Variants in LPP observed in about 807,000 individuals in gnomAD.
The protein encoded by LPP is lipoma-preferred partner.
A neutral mutation model predicts 60.4 loss-of-function variants in LPP; 38 were observed. The observed-to-expected ratio is 0.63, with a 90% CI of 0.49 to 0.83. The LOEUF is 0.83. Ranked by LOEUF, LPP falls within the 40% of genes least tolerant of loss-of-function variation. LPP has a pLI of 0.00. For synonymous variants in LPP, 328 were observed against 290.8 expected, an observed-to-expected ratio of 1.13 and a Z score of -1.30; for missense variants, 902 against 783.6, an observed-to-expected ratio of 1.15 and a Z score of -1.80.
intron 3 of LPP, among the ~76,000 whole-genome samples, chr3:188,368,705 CACACACACACACACAGAGAG>C (rs1772007688): frequency 8.2e-6 from 1 of 122,472 alleles, no homozygotes; most frequent in African/African-American, 2.8e-5. Context: ...CACACACACA[CACACACACACACACAGAGAG>C]AGAGAGAGAG....
chr3:188,843,067 G>A (rs1760423639), intron 9 of LPP, among the ~76,000 whole-genome samples: 1 of 152,020 alleles, frequency 6.6e-6, no homozygotes, highest in South Asian at 2.1e-4. Context: ...TCATCTTTTT[G>A]TTGTTTAGTA....
rs182402900 is a variant in LPP, at chr3:188,255,296, G to A, written c.-67+29769G>A. Among the ~76,000 whole-genome samples the A allele has an allele frequency of 5.5e-4, 84 of 152,232 alleles. 1 individual carries two copies. The highest frequency in any genetic ancestry group is 3.5e-3 in the South Asian group (17 of 4,822). ...ATAGGAGCTGTTCCATTTCACAGAC[G>A]AGGAAACGGAGGCTCAGAGACTTTG... On this transcript the variant is annotated intron_variant, in intron 2 of 11. Transcript: ENST00000617246.
chr3:188,415,424 T>C (rs1785948831), intron 4 of LPP, among the ~76,000 whole-genome samples: 2 of 152,070 alleles, frequency 1.3e-5, no homozygotes, highest in Admixed American at 6.6e-5. Context: ...TCAGCAAATA[T>C]ACCCTTTGGC....
chr3:188,881,872 GTTGA>G lies in LPP; in HGVS notation c.*7400_*7403del, dbSNP rs1327761861. 3 of 215,262 alleles carry G rather than the reference GTTGA, an allele frequency of 1.4e-5. No homozygotes were observed. The East Asian group carries it at 2.1e-4, about 15-fold the overall frequency. 13.3% of individuals were successfully genotyped at this position (215,262 alleles called of 1,614,324 possible). ...ACAGGTTATACATAAATATTTGCTG[GTTGA>G]TTGATTTCGAGATTCATTCATTCTG... On this transcript the variant is annotated 3_prime_UTR_variant, in exon 12 of 12. Transcript: ENST00000617246.
At chr3:188,621,120 G>T (rs957244402) in intron 7 of LPP, among the ~76,000 whole-genome samples, 1 of 147,370 alleles carries the variant, frequency 6.8e-6, no homozygotes, top group African/African-American at 2.5e-5. Context: ...TAAATTTTTT[G>T]AAAAAAGCAA....
intron 5 of LPP, among the ~76,000 whole-genome samples, chr3:188,496,681 A>AT (rs961783799): frequency 4.6e-5 from 7 of 151,950 alleles, no homozygotes; most frequent in African/African-American, 1.7e-4. Context: ...CTTTATATTC[A>AT]TTTTTAGTGA....
intron 6 of LPP, among the ~76,000 whole-genome samples, chr3:188,594,227 C>A (rs968065904): frequency 6.6e-6 from 1 of 152,096 alleles, no homozygotes; most frequent in Non-Finnish European, 1.5e-5. Context: ...ATTCAGCTGC[C>A]CATGTAAAGT....
Position 188,442,833 on chromosome 3 carries a change from G to A in LPP, c.193+36520G>A, listed in dbSNP as rs568672750. Among the ~76,000 whole-genome samples, 9 of 152,254 alleles carry A rather than the reference G, an allele frequency of 5.9e-5. No individual in the cohort carries two copies. The South Asian group carries it at 1.5e-3, about 25-fold the overall frequency. Reference sequence around the variant, plus strand: ...ATTTTACAGTTACATGTCAGATTGAGGGGTTTCGTCTTGAGAATGTCAGCT... The same window carrying A: ...ATTTTACAGTTACATGTCAGATTGAAGGGTTTCGTCTTGAGAATGTCAGCT... On this transcript the variant is annotated intron_variant, in intron 4 of 11. Coordinates refer to ENST00000617246, the MANE Select transcript of LPP (RefSeq NM_001375462.1).
chr3:188,396,262 C>T (rs558684164), intron 3 of LPP, among the ~76,000 whole-genome samples: 2 of 152,246 alleles, frequency 1.3e-5, no homozygotes, highest in East Asian at 3.9e-4. Context: ...CAAGTTATAA[C>T]TAAAATTGCT....
chr3:188,272,822 G>A (rs1407709624), intron 2 of LPP, among the ~76,000 whole-genome samples: 1 of 152,224 alleles, frequency 6.6e-6, no homozygotes, highest in African/African-American at 2.4e-5. Flanking sequence ...GTAATAATTT[G>A]TTGACTATGA....
At chr3:188,719,034 A>C (rs1715252255) in intron 8 of LPP, among the ~76,000 whole-genome samples, 1 of 152,198 alleles carries the variant, frequency 6.6e-6, no homozygotes, top group Admixed American at 6.5e-5. Context: ...CTAGAGTAAG[A>C]CATGGCTGCT....
At chr3:188,717,079 T>C (rs1714315280) in intron 8 of LPP, among the ~76,000 whole-genome samples, 1 of 152,210 alleles carries the variant, frequency 6.6e-6, no homozygotes, top group South Asian at 2.1e-4. Flanking sequence ...AAGATTTCAG[T>C]GATTAAGGGA....
chr3:188,332,401 T>C (rs1760351326), intron 2 of LPP, among the ~76,000 whole-genome samples: 1 of 152,200 alleles, frequency 6.6e-6, no homozygotes, highest in African/African-American at 2.4e-5. Flanking sequence ...ACAATACATT[T>C]AAAAAAATTA....
intron 8 of LPP, among the ~76,000 whole-genome samples, chr3:188,720,558 A>G (rs765933586): frequency 1.4e-4 from 21 of 151,968 alleles, no homozygotes; most frequent in Non-Finnish European, 2.4e-4. Flanking sequence ...TTCCCACCAA[A>G]AATTGTAAAA....
intron 1 of LPP, among the ~76,000 whole-genome samples, chr3:188,163,771 G>A (rs1046490873): frequency 1.1e-4 from 14 of 128,016 alleles, no homozygotes; most frequent in East Asian, 4.9e-4. Context: ...ATTTAACCTC[G>A]TCTCTACTAA....
At position 188,765,861 on chromosome 3, in the gene LPP, C is replaced by CTTTTTTTTTTTTTTTTTTTTTTTTTT. The variant is rs71169019; in HGVS notation, c.1410+5580_1410+5605dup. On this transcript the variant is annotated intron_variant, in intron 9 of 11. Coordinates refer to ENST00000617246, the MANE Select transcript of LPP (RefSeq NM_001375462.1). Reference sequence around the variant, plus strand: ...GCAACGTGCAACTTAATGTTCAACTCTTTTTTTTTTTTTTTTTTTTTTTTT... The same window carrying CTTTTTTTTTTTTTTTTTTTTTTTTTT: ...GCAACGTGCAACTTAATGTTCAACTCTTTTTTTTTTTTTTTTTTTTTTTTTTTTTTTTTTTTTTTTTTTTTTTTTTT... 9.7e-5 allele frequency among the ~76,000 whole-genome samples: 9 copies of CTTTTTTTTTTTTTTTTTTTTTTTTTT among 92,618 alleles called. 4 individuals are homozygous for CTTTTTTTTTTTTTTTTTTTTTTTTTT. The highest frequency in any genetic ancestry group is 8.7e-5 in the African/African-American group (2 of 22,998). The allele number at this position is 92,618 out of a possible 152,430, so 60.8% of individuals were successfully genotyped here.
intron 4 of LPP, among the ~76,000 whole-genome samples, chr3:188,441,026 A>ATGTG (rs10671285): frequency 0.019 from 2,726 of 146,420 alleles, 44 homozygotes; most frequent in South Asian, 0.031. Context: ...CTCCCTTAAT[A>ATGTG]TGTGTGTGTG....
At chr3:188,302,365 C>CTA (rs1342869800) in intron 2 of LPP, among the ~76,000 whole-genome samples, 1 of 152,158 alleles carries the variant, frequency 6.6e-6, no homozygotes, top group Admixed American at 6.6e-5. Flanking sequence ...GAAACCTTAG[C>CTA]TATATATCAG....
chr3:188,247,189 T>C (rs1359055849), intron 2 of LPP: 1 of 984,644 alleles, frequency 1.0e-6, no homozygotes, highest in East Asian at 1.1e-4. Flanking sequence ...GAATTCTTCT[T>C]ACCCTGAGAT....
Sources: allele counts gnomAD v4.1 joint callset (sites outside exome capture counted in the v4.1 genomes callset), GRCh38; gene constraint gnomAD v4.1.1; transcripts MANE v1.5; gene names NCBI Gene and HGNC (gene_info 2026-07-23, HGNC 2026-07-21).